GALNT2: variants seen among roughly 807,000 people sequenced by gnomAD.
GALNT2 encodes polypeptide N-acetylgalactosaminyltransferase 2.
In GALNT2, 31 loss-of-function variants were observed where a neutral mutation model predicts 81.4. The ratio of observed to expected loss-of-function variants is 0.38; its 90% CI spans 0.29 to 0.51. GALNT2 has a LOEUF of 0.51. Ranked by LOEUF, GALNT2 falls within the 20% of genes least tolerant of loss-of-function variation. The pLI, the probability that GALNT2 is intolerant of heterozygous loss-of-function variation, is 0.87. For synonymous variants in GALNT2, 303 were observed against 287.4 expected (o/e 1.05, Z -0.55); for missense variants, 629 against 765.7 (o/e 0.82, Z 2.11).
chr1:230,199,124 A>G (rs1168643816), intron 2 of GALNT2, among the ~76,000 whole-genome samples: 1 of 152,198 alleles, frequency 6.6e-6, no homozygotes, highest in African/African-American at 2.4e-5. Flanking sequence ...AAAGATTTTT[A>G]AAAAGATGAT....
intron 1 of GALNT2, among the ~76,000 whole-genome samples, chr1:230,139,512 G>A (rs1661662199): frequency 6.6e-6 from 1 of 152,196 alleles, no homozygotes; most frequent in African/African-American, 2.4e-5. Context: ...AGGGAGGACG[G>A]TTATTCTGCA....
In GALNT2 at chr1:230,136,923, A is replaced by C. The variant is rs1427331558; in HGVS notation, c.127-41295A>C. On this transcript the variant is annotated intron_variant, in intron 1 of 15. Transcript: ENST00000366672. ...CGCAGTTCAGCCGGGACTCTGCTTC[A>C]CGGATGCTTTCACCTCACGGACAGC... 3.9e-5 allele frequency among the ~76,000 whole-genome samples: 6 copies of C among 152,200 alleles called. No individual in the cohort carries two copies. The East Asian group carries it at 1.2e-3, about 29-fold the overall frequency.
Position 230,159,680 on chromosome 1 carries a change from G to A in GALNT2, c.127-18538G>A, listed in dbSNP as rs138428304. ...CGTTGTGGTTCCCACTGGGCAGGCTGTACGTGGTGAAGGTGATAGACTGCA... is the reference window on the plus strand; with the variant it reads ...CGTTGTGGTTCCCACTGGGCAGGCTATACGTGGTGAAGGTGATAGACTGCA... On this transcript the variant is annotated intron_variant, in intron 1 of 15. Transcript: ENST00000366672. Among the ~76,000 whole-genome samples, 469 of 152,374 alleles carry A rather than the reference G, an allele frequency of 3.1e-3. 2 individuals carry two copies. Among genetic ancestry groups the A allele is most frequent in the African/African-American group, 0.011 (451 of 41,594 alleles).
upstream of GALNT2, chr1:230,057,951 C>T (rs1158076489): frequency 2.2e-6 from 1 of 447,318 alleles, no homozygotes; most frequent in Non-Finnish European, 4.5e-6. Flanking sequence ...CCGCTGGCTC[C>T]TTTCCCCAGG....
chr1:230,087,292 C>T (rs1346460738), intron 1 of GALNT2, among the ~76,000 whole-genome samples: 4 of 152,198 alleles, frequency 2.6e-5, no homozygotes, highest in Non-Finnish European at 5.9e-5. Context: ...TACTAATTAC[C>T]GAATTTCACA....
At chr1:230,266,963 T>C (rs557417666) in intron 14 of GALNT2, among the ~76,000 whole-genome samples, 10 of 151,334 alleles carry the variant, frequency 6.6e-5, no homozygotes, top group African/African-American at 2.0e-4. Context: ...GATATGAGTG[T>C]GCTTCCAGTG....
chr1:230,119,883 C>T (rs55637646), intron 1 of GALNT2, among the ~76,000 whole-genome samples: 35,585 of 152,054 alleles, frequency 0.23, 4,500 homozygotes, highest in South Asian at 0.37. Context: ...GTGGGCCCTA[C>T]ATCCCATTGG....
intron 2 of GALNT2, among the ~76,000 whole-genome samples, chr1:230,201,041 G>A (rs995787483): frequency 1.3e-5 from 2 of 152,184 alleles, no homozygotes; most frequent in Admixed American, 6.5e-5. Flanking sequence ...CTTGAGCGCA[G>A]GTAGGTGTTA....
chr1:230,224,121 G>A (rs533730404), intron 3 of GALNT2, among the ~76,000 whole-genome samples: 4 of 152,280 alleles, frequency 2.6e-5, no homozygotes, highest in South Asian at 2.1e-4. Context: ...CAGAACTCAC[G>A]TATCCAAGAG....
chr1:230,087,432 G>A (rs1666536124), intron 1 of GALNT2, among the ~76,000 whole-genome samples: 1 of 152,154 alleles, frequency 6.6e-6, no homozygotes, highest in African/African-American at 2.4e-5. Context: ...ATCTTAATTG[G>A]TTTTCCTTGC....
intron 1 of GALNT2, among the ~76,000 whole-genome samples, chr1:230,077,756 A>G (rs745873974): frequency 1.3e-5 from 2 of 152,212 alleles, no homozygotes; most frequent in Non-Finnish European, 2.9e-5. Context: ...TCCTAAGGAA[A>G]AAAATCCATA....
Position 230,236,721 on chromosome 1 carries a change from A to G in GALNT2, c.603A>G (p.Arg201=). 3 of 1,613,408 alleles carry G rather than the reference A, an allele frequency of 1.9e-6. No homozygotes were observed. Among genetic ancestry groups the G allele is most frequent in the Non-Finnish European group, 2.5e-6 (3 of 1,179,842 alleles). Residue 201 remains arginine, a synonymous_variant, in exon 6 of 16, where the codon CGA becomes CGG. Coordinates refer to ENST00000366672, the MANE Select transcript of GALNT2 (RefSeq NM_004481.5). ...EKVRVLRNDR[R]EGLMRSRVRG... ...TGCGAGTTCTTAGAAATGATCGACG[A>G]GAAGGTAAGATTCTTCTTAATTCAG...
intron 10 of GALNT2, among the ~76,000 whole-genome samples, chr1:230,254,777 C>T (rs1408027656): frequency 3.3e-5 from 5 of 152,174 alleles, no homozygotes; most frequent in Admixed American, 2.0e-4. Context: ...CCTTTTCCCA[C>T]GGTGTTGATA....
chr1:230,119,259 G>A (rs1050297151), intron 1 of GALNT2, among the ~76,000 whole-genome samples: 6 of 152,038 alleles, frequency 3.9e-5, no homozygotes, highest in Admixed American at 1.3e-4. Context: ...TGACTTGTGC[G>A]TACAGGTTTT....
chr1:230,191,421 G>T (rs950165125), intron 2 of GALNT2, among the ~76,000 whole-genome samples: 1 of 152,254 alleles, frequency 6.6e-6, no homozygotes, highest in Non-Finnish European at 1.5e-5. Context: ...TATTTGAAAG[G>T]CTACCATATA....
intron 1 of GALNT2, among the ~76,000 whole-genome samples, chr1:230,127,124 A>T (rs1239179075): frequency 6.6e-6 from 1 of 152,110 alleles, no homozygotes; most frequent in African/African-American, 2.4e-5. Context: ...TTGCTGCCTG[A>T]GGCAGGGGCA....
intron 1 of GALNT2, among the ~76,000 whole-genome samples, chr1:230,169,683 T>C (rs903333827): frequency 2.0e-5 from 3 of 152,248 alleles, no homozygotes; most frequent in African/African-American, 7.2e-5. Context: ...GCACAAGTCA[T>C]TGTTACAGTT....
chr1:230,067,394 C>G lies in GALNT2; in HGVS notation c.114C>G (p.Gly38=). ...GSALAGGAGG[G]AGRKEDWNEI... Reference sequence around the variant, plus strand: ...CGCTGGCCGGGGGCGCGGGCGGCGGCGCCGGCAGGAAGGTGAGTGGAGCGC... The same window carrying G: ...CGCTGGCCGGGGGCGCGGGCGGCGGGGCCGGCAGGAAGGTGAGTGGAGCGC... Residue 38 remains glycine (G), a synonymous_variant, in exon 1 of 16, where the codon GGC becomes GGG. Transcript: ENST00000366672. 3 of 1,254,742 alleles carry G rather than the reference C, an allele frequency of 2.4e-6. No individual in the cohort carries two copies. Among genetic ancestry groups the G allele is most frequent in the East Asian group, 3.5e-5 (1 of 28,644 alleles). The allele number at this position is 1,254,742 out of a possible 1,614,324, so 77.7% of individuals were successfully genotyped here.
At chr1:230,094,986 G>A (rs898685505) in intron 1 of GALNT2, among the ~76,000 whole-genome samples, 12 of 152,188 alleles carry the variant, frequency 7.9e-5, no homozygotes, top group African/African-American at 2.4e-4. Context: ...AGCACGGGCC[G>A]CGATGATGTC....
Sources: allele counts gnomAD v4.1 joint callset (sites outside exome capture counted in the v4.1 genomes callset), GRCh38; gene constraint gnomAD v4.1.1; transcripts MANE v1.5; gene names NCBI Gene and HGNC (gene_info 2026-07-23, HGNC 2026-07-21).